Variants in HDGFL2 observed in about 807,000 individuals in gnomAD.
HDGFL2 encodes hepatoma-derived growth factor-related protein 2.
Under a neutral mutation model 77.1 loss-of-function variants are expected in HDGFL2, and 36 were observed. The observed-to-expected ratio is 0.47, with a 90% CI of 0.36 to 0.62. The LOEUF is 0.62. Among genes scored for constraint, HDGFL2 ranks in the 20% least tolerant of loss-of-function variants. The pLI is 0.00. For synonymous variants in HDGFL2, 463 were observed against 413.1 expected (o/e 1.12, Z -1.46); for missense variants, 976 against 973.4 (o/e 1.00, Z -0.04).
chr19:4,480,850 T>C (rs1180509494), intron 3 of HDGFL2, among the ~76,000 whole-genome samples: 1 of 151,992 alleles, frequency 6.6e-6, no homozygotes. Context: ...TCAGTTTCCT[T>C]ATTTTTTATT....
At chr19:4,494,549 G>A in intron 9 of HDGFL2, 74 bp downstream of exon 9, 3 of 1,126,558 alleles carry the variant, frequency 2.7e-6, no homozygotes, top group Non-Finnish European at 3.4e-6. Flanking sequence ...GTAGGAGGCA[G>A]TATCCCAGGT....
At position 4,494,270 on chromosome 19, in the gene HDGFL2, G is replaced by A. The variant is rs1420524511; in HGVS notation, c.1019G>A (p.Arg340Gln). The A allele has an allele frequency of 2.1e-5, 30 of 1,453,072 alleles. No individual in the cohort carries two copies. In the East Asian group the frequency reaches 3.0e-4, roughly 15 times the overall value. 90.0% of individuals were successfully genotyped at this position (1,453,072 alleles called of 1,614,324 possible). The change falls in exon 9 of 16, where the codon CGG (arginine) becomes CAG (glutamine). Residue 340 changes from arginine to glutamine, a missense_variant. By Grantham distance (43) the Arg-to-Gln change is conservative (BLOSUM62 1). Transcript: ENST00000616600. ...RRRREQEEEL[R>Q]RLREQEKEEK... ...CGGCGAGAGCAGGAGGAGGAGCTGC[G>A]GCGCCTGCGGGAGCAGGAGAAGGAG... is the stretch of plus-strand genomic sequence containing the variant.
At chr19:4,480,952 G>A (rs370173579) in intron 3 of HDGFL2, among the ~76,000 whole-genome samples, 2 of 151,310 alleles carry the variant, frequency 1.3e-5, no homozygotes, top group East Asian at 2.0e-4. Flanking sequence ...CACCTCCCGG[G>A]TTCAAGCTAT....
At position 4,475,312 on chromosome 19, in the gene HDGFL2, C is replaced by A. The variant is rs1220264057; in HGVS notation, c.110C>A (p.Pro37His). ...DIADGAVKPP[P>H]NKYPIFFFGT... ...GCGGATGGCGCCGTGAAGCCCCCAC[C>A]CAACAAGTACCCCATCTTTTTCTTT... The change falls in exon 2 of 16, where the codon CCC becomes CAC. Residue 37 changes from proline to histidine, a missense_variant. Coordinates refer to ENST00000616600, the MANE Select transcript of HDGFL2 (RefSeq NM_001001520.3). 2 of 1,614,120 alleles carry A rather than the reference C, an allele frequency of 1.2e-6. No individual in the cohort carries two copies. The highest frequency in any genetic ancestry group is 1.7e-6 in the Non-Finnish European group (2 of 1,180,014).
chr19:4,498,117 G>A lies in HDGFL2; in HGVS notation c.1402+86G>A, dbSNP rs1975757214. 3.1e-6 allele frequency: 4 copies of A among 1,310,740 alleles called. No homozygotes were observed. In the Admixed American group the frequency reaches 6.1e-5, roughly 20 times the overall value. The allele number at this position is 1,310,740 out of a possible 1,614,324, so 81.2% of individuals were successfully genotyped here. On this transcript the variant is annotated intron_variant, in intron 11 of 15. Transcript: ENST00000616600. ...GTGGCGTGGCTGGCCTGTCCCGCCT[G>A]TCCCTAGAGAGGGTGCTCAGCACAT...
chr19:4,489,576 C>T (rs1006562414), intron 4 of HDGFL2, among the ~76,000 whole-genome samples: 8 of 151,878 alleles, frequency 5.3e-5, no homozygotes, highest in Admixed American at 1.3e-4. Context: ...GCTAATTTTT[C>T]GTATTTTAGT....
chr19:4,473,663 G>A (rs532396618), intron 1 of HDGFL2, among the ~76,000 whole-genome samples: 8 of 137,144 alleles, frequency 5.8e-5, no homozygotes, highest in Non-Finnish European at 1.1e-4. Flanking sequence ...AAGGCTAAGG[G>A]AAGCTGGGAC....
chr19:4,499,761 T>A (rs1975809787), intron 14 of HDGFL2, 57 bp downstream of exon 14: 3 of 1,319,856 alleles, frequency 2.3e-6, no homozygotes, highest in Non-Finnish European at 3.1e-6. Flanking sequence ...AAGAAACAGA[T>A]GCTTTGCAGA....
At chr19:4,483,268 T>G (rs1400921097) in intron 3 of HDGFL2, among the ~76,000 whole-genome samples, 11 of 152,112 alleles carry the variant, frequency 7.2e-5, no homozygotes, top group Admixed American at 7.2e-4. Flanking sequence ...TCGTTTTCCT[T>G]GTGTGCTGAT....
intron 10 of HDGFL2, among the ~76,000 whole-genome samples, chr19:4,496,621 C>G (rs934690487): frequency 2.6e-5 from 4 of 152,156 alleles, no homozygotes; most frequent in Non-Finnish European, 4.4e-5. Flanking sequence ...AGGGCGATCC[C>G]GCCTCCAGAG....
At chr19:4,480,385 G>T (rs2145162757) in intron 3 of HDGFL2, among the ~76,000 whole-genome samples, 1 of 152,272 alleles carries the variant, frequency 6.6e-6, no homozygotes, top group Admixed American at 6.5e-5. Context: ...CAAGCCAGGG[G>T]CAGGCCCTGG....
At chr19:4,475,694 C>A in intron 3 of HDGFL2, 111 bp downstream of exon 3, 1 of 1,332,782 alleles carries the variant, frequency 7.5e-7, no homozygotes, top group Non-Finnish European at 9.9e-7. Flanking sequence ...TCGATCGTTC[C>A]CTGTGGTGGG....
At chr19:4,481,611 C>T (rs947846271) in intron 3 of HDGFL2, among the ~76,000 whole-genome samples, 1 of 152,114 alleles carries the variant, frequency 6.6e-6, no homozygotes, top group Non-Finnish European at 1.5e-5. Context: ...CAGGCTTGAG[C>T]CACCGCGCCC....
intron 1 of HDGFL2, among the ~76,000 whole-genome samples, chr19:4,473,912 C>T (rs546715987): frequency 6.6e-6 from 1 of 151,964 alleles, no homozygotes; most frequent in African/African-American, 2.4e-5. Context: ...AGTGGGAGCG[C>T]TTCTGAGGGA....
intron 6 of HDGFL2, 91 bp from the exon 7 acceptor site, chr19:4,493,612 T>C (rs1975607369): frequency 7.7e-7 from 1 of 1,296,740 alleles, no homozygotes; most frequent in African/African-American, 1.5e-5. Context: ...GCCTGGCGGC[T>C]GCAGGGGTGC....
chr19:4,490,970 C>T (rs1008952417), intron 4 of HDGFL2, among the ~76,000 whole-genome samples: 6 of 152,028 alleles, frequency 3.9e-5, no homozygotes, highest in African/African-American at 1.5e-4. Flanking sequence ...CGCCACCACA[C>T]CCAGCTAATT....
intron 6 of HDGFL2, among the ~76,000 whole-genome samples, chr19:4,492,429 C>T (rs2099496620): frequency 1.3e-5 from 2 of 151,146 alleles, no homozygotes; most frequent in South Asian, 4.2e-4. Context: ...ATGTGTTGTG[C>T]CTCTGTGTTC....
chr19:4,494,146 AC>A lies in HDGFL2; in HGVS notation c.915-18del. On this transcript the variant is annotated intron_variant, in intron 8 of 15. Transcript: ENST00000616600. ...CCTGAGGGAGGAACGGAGGTCCCCA[AC>A]CGCCCCCTCCGCCTCCAGTGACAGC... The A allele has an allele frequency of 6.7e-7, 1 of 1,489,316 alleles. No homozygotes were observed. Among genetic ancestry groups the A allele is most frequent in the South Asian group, 1.3e-5 (1 of 74,918 alleles). The allele number at this position is 1,489,316 out of a possible 1,614,324, so 92.3% of individuals were successfully genotyped here.
chr19:4,493,029 T>G (rs1975575661), intron 6 of HDGFL2, among the ~76,000 whole-genome samples: 1 of 142,406 alleles, frequency 7.0e-6, no homozygotes, highest in African/African-American at 2.7e-5. Context: ...GTGTTATCTG[T>G]GTGTGGTGTG....
Sources: allele counts gnomAD v4.1 joint callset (sites outside exome capture counted in the v4.1 genomes callset), GRCh38; gene constraint gnomAD v4.1.1; transcripts MANE v1.5; gene names NCBI Gene and HGNC (gene_info 2026-07-23, HGNC 2026-07-21).